CRACD: variants seen among roughly 807,000 people sequenced by gnomAD.
CRACD encodes capping protein inhibiting regulator of actin dynamics.
In CRACD, 56 loss-of-function variants were observed where a neutral mutation model predicts 106.8. That is an observed-to-expected ratio of 0.52 (90% CI 0.42 to 0.66). CRACD has a LOEUF of 0.66. Among genes scored for constraint, CRACD ranks in the 30% least tolerant of loss-of-function variants. The pLI is 0.00. For missense variants in CRACD, 1,730 were observed against 1,623.2 expected, an observed-to-expected ratio of 1.07 and a Z score of -1.13; for synonymous variants, 754 against 670.8, an observed-to-expected ratio of 1.12 and a Z score of -1.92.
chr4:56,185,972 C>T (rs1737078568), intron 2 of CRACD, among the ~76,000 whole-genome samples: 1 of 152,208 alleles, frequency 6.6e-6, no homozygotes, highest in Non-Finnish European at 1.5e-5. Flanking sequence ...ACTGTCATCT[C>T]TTGGGGAGGC....
chr4:56,304,877 A>G (rs1744590320), intron 4 of CRACD, among the ~76,000 whole-genome samples: 1 of 152,122 alleles, frequency 6.6e-6, no homozygotes, highest in Non-Finnish European at 1.5e-5. Context: ...ATCCTAATTA[A>G]ATGGTATTAG....
At chr4:56,198,235 T>G (rs1737713602) in intron 2 of CRACD, among the ~76,000 whole-genome samples, 2 of 152,190 alleles carry the variant, frequency 1.3e-5, no homozygotes, top group African/African-American at 4.8e-5. Flanking sequence ...CCATACGTCT[T>G]AAGCTATCAT....
chr4:56,296,914 T>G (rs542387171), intron 3 of CRACD, among the ~76,000 whole-genome samples: 111 of 127,016 alleles, frequency 8.7e-4, no homozygotes, highest in African/African-American at 3.4e-3. Context: ...TTCTTTTTTT[T>G]TGTTTGTTTT....
Position 56,278,425 on chromosome 4 carries a change from AAAT to A in CRACD, c.-17+5935_-17+5937del, listed in dbSNP as rs371757402. 1.1e-4 allele frequency among the ~76,000 whole-genome samples: 17 copies of A among 152,342 alleles called. No homozygotes were observed. The East Asian group carries it at 3.1e-3, about 28-fold the overall frequency. On this transcript the variant is annotated intron_variant, in intron 3 of 10. Transcript: ENST00000682029. ...AATGGGCAAAGAAGAGTTTTTCAAC[AAAT>A]ATTTCTGGGACAATTGGATAGCCAC...
At chr4:56,204,955 G>A (rs947756960) in intron 2 of CRACD, among the ~76,000 whole-genome samples, 4 of 150,570 alleles carry the variant, frequency 2.7e-5, no homozygotes, top group African/African-American at 1.0e-4. Context: ...CACTGAGTTC[G>A]GGACCAGCCT....
At chr4:56,111,293 G>A (rs963945843) in intron 1 of CRACD, among the ~76,000 whole-genome samples, 2 of 152,034 alleles carry the variant, frequency 1.3e-5, no homozygotes, top group African/African-American at 2.4e-5. Flanking sequence ...CACTGCATTC[G>A]AAGATATGGA....
chr4:56,239,803 C>T (rs549251394), intron 2 of CRACD, among the ~76,000 whole-genome samples: 1 of 152,130 alleles, frequency 6.6e-6, no homozygotes. Context: ...CTGCCCCAGA[C>T]TCTTATGTGT....
At chr4:56,140,258 G>A (rs907089962) in intron 1 of CRACD, among the ~76,000 whole-genome samples, 2 of 152,202 alleles carry the variant, frequency 1.3e-5, no homozygotes, top group African/African-American at 4.8e-5. Context: ...TGCAGGAACA[G>A]CACCTTCCTG....
At chr4:56,308,885 T>C (rs1434853328) in intron 5 of CRACD, 1 of 1,288,840 alleles carries the variant, frequency 7.8e-7, no homozygotes, top group Non-Finnish European at 1.0e-6. Flanking sequence ...AGCTCATAAG[T>C]GCTGGGCACT....
At chr4:56,281,789 G>A (rs1743051556) in intron 3 of CRACD, among the ~76,000 whole-genome samples, 1 of 152,164 alleles carries the variant, frequency 6.6e-6, no homozygotes, top group Non-Finnish European at 1.5e-5. Context: ...GGCTTTAGAG[G>A]CAAGTTAGAA....
At chr4:56,300,011 G>C (rs182470289) in intron 4 of CRACD, among the ~76,000 whole-genome samples, 1 of 151,874 alleles carries the variant, frequency 6.6e-6, no homozygotes. Context: ...GGTGGCAGGC[G>C]CCTGTAGTCC....
At chr4:56,186,791 G>A (rs1737112236) in intron 2 of CRACD, among the ~76,000 whole-genome samples, 1 of 152,300 alleles carries the variant, frequency 6.6e-6, no homozygotes, top group Middle Eastern at 3.4e-3. Flanking sequence ...GCCAGGCACG[G>A]TGGCCCATGC....
chr4:56,105,520 A>G (rs1355117281), intron 1 of CRACD, among the ~76,000 whole-genome samples: 2 of 152,186 alleles, frequency 1.3e-5, no homozygotes, highest in East Asian at 3.8e-4. Context: ...TCTGTAATTT[A>G]GGGACGTATC....
chr4:56,249,613 G>C (rs1250609393), intron 2 of CRACD, among the ~76,000 whole-genome samples: 2 of 152,172 alleles, frequency 1.3e-5, no homozygotes, highest in African/African-American at 4.8e-5. Flanking sequence ...TGCCTTGGCA[G>C]TTATCTTTCA....
At chr4:56,121,160 TATTTTA>T (rs1326566285) in intron 1 of CRACD, among the ~76,000 whole-genome samples, 1 of 150,948 alleles carries the variant, frequency 6.6e-6, no homozygotes, top group Non-Finnish European at 1.5e-5. Flanking sequence ...ATTGTCTTGA[TATTTTA>T]GTTTTAGTTT....
At chr4:56,050,172 G>T (rs1731825000) in intron 1 of CRACD, among the ~76,000 whole-genome samples, 1 of 152,044 alleles carries the variant, frequency 6.6e-6, no homozygotes, top group Non-Finnish European at 1.5e-5. Context: ...TTCAGTGGAG[G>T]GGGAGGGGGA....
Position 56,315,096 on chromosome 4 carries a change from A to G in CRACD, c.1594A>G (p.Thr532Ala), listed in dbSNP as rs1455399692. The change falls in exon 8 of 11, where the codon ACC becomes GCC. Residue 532 changes from threonine (T) to alanine (A), a missense_variant. Thr to Ala is a moderately conservative substitution (Grantham distance 58, BLOSUM62 0). Coordinates refer to ENST00000682029, the MANE Select transcript of CRACD (RefSeq NM_001393381.1). The surrounding 1 kb of genome is among the most constrained non-coding windows in gnomAD (Gnocchi z 4.1). ...LRWQEVDERQ[T>A]MPRPYTFQVS... is the part of the protein sequence containing the mutation. ...GTGGCAGGAGGTGGACGAGAGACAG[A>G]CCATGCCCCGGCCCTACACGTTCCA... 1.2e-6 allele frequency: 2 copies of G among 1,611,188 alleles called. No homozygotes were observed. Among genetic ancestry groups the G allele is most frequent in the Non-Finnish European group, 8.5e-7 (1 of 1,179,250 alleles).
intron 1 of CRACD, among the ~76,000 whole-genome samples, chr4:56,167,620 T>C (rs1355781736): frequency 6.6e-6 from 1 of 152,232 alleles, no homozygotes; most frequent in Non-Finnish European, 1.5e-5. Flanking sequence ...GTGGTATTTG[T>C]CTTTCTGTGC....
chr4:56,236,822 G>A (rs551874217), intron 2 of CRACD, among the ~76,000 whole-genome samples: 15 of 151,490 alleles, frequency 9.9e-5, no homozygotes, highest in South Asian at 8.4e-4. Context: ...TATTTGCAAC[G>A]TATTACAAAT....
Sources: gnomAD v4.1 joint callset for allele counts (sites outside exome capture counted in the v4.1 genomes callset) on GRCh38, gnomAD v4.1.1 for gene constraint, Gnocchi (gnomAD v3.1) non-coding constraint, MANE v1.5 for transcripts, NCBI Gene and HGNC (gene_info 2026-07-23, HGNC 2026-07-21) for gene names.